The following PLCXD3 variants were observed in gnomAD, a reference collection of about 807,000 sequenced individuals.
PLCXD3 encodes phosphatidylinositol specific phospholipase C X domain containing 3.
In PLCXD3, 19 loss-of-function variants were observed where a neutral mutation model predicts 25.5. That is an observed-to-expected ratio of 0.75 (90% confidence interval 0.52 to 1.09). PLCXD3 has a LOEUF of 1.09. Ranked by LOEUF, PLCXD3 falls within the 50% of genes least tolerant of loss-of-function variation. The pLI, the probability that PLCXD3 is intolerant of heterozygous loss-of-function variation, is 0.00. For missense variants in PLCXD3, 411 were observed against 388.1 expected, an observed-to-expected ratio of 1.06 and a Z score of -0.50; for synonymous variants, 174 against 137.6, an observed-to-expected ratio of 1.26 and a Z score of -1.85.
At chr5:41,331,584 A>C (rs1257886833) in intron 2 of PLCXD3, among the ~76,000 whole-genome samples, 2 of 152,208 alleles carry the variant, frequency 1.3e-5, no homozygotes, top group Non-Finnish European at 2.9e-5. Flanking sequence ...CAGAATTGGG[A>C]AAAACTACTT....
rs753308736 is a variant in PLCXD3 at position 41,510,568 on chromosome 5, G to T, written c.-42C>A. 8 of 1,526,602 alleles carry T rather than the reference G, an allele frequency of 5.2e-6. No homozygotes were observed. The East Asian group carries it at 1.8e-4, about 35-fold the overall frequency. The allele number at this position is 1,526,602 out of a possible 1,614,324, so 94.6% of individuals were successfully genotyped here. A position where few individuals can be genotyped will look rare whatever the true frequency, so the allele number is the denominator to read the frequency against. ...CAGCGCGCTGGTCCCAGCACTCCTC[G>T]GGCAGGCTGGCAGGCTGCTGCCGCT... On this transcript the variant is annotated 5_prime_UTR_variant, in exon 1 of 3. Coordinates refer to ENST00000377801, the MANE Select transcript of PLCXD3 (RefSeq NM_001005473.3).
At chr5:41,332,113 A>C (rs1024876120) in intron 2 of PLCXD3, among the ~76,000 whole-genome samples, 3 of 152,162 alleles carry the variant, frequency 2.0e-5, no homozygotes. Flanking sequence ...TCAACTAAAG[A>C]GCTTCTGCAC....
rs551465150 is a variant in PLCXD3 at position 41,509,082 on chromosome 5, T to G, written c.103+1342A>C. Among the ~76,000 whole-genome samples the G allele has an allele frequency of 2.0e-5, 3 of 152,314 alleles. No homozygotes were observed. The East Asian group carries it at 5.8e-4, about 29-fold the overall frequency. ...AAACATCCACTTGACTAACAACCAT[T>G]GATTTGAGGGACTGATCAATGGCAG... On this transcript the variant is annotated intron_variant, in intron 1 of 2. Coordinates refer to ENST00000377801, the MANE Select transcript of PLCXD3 (RefSeq NM_001005473.3).
At chr5:41,480,933 AC>A (rs1164715493) in intron 1 of PLCXD3, among the ~76,000 whole-genome samples, 2 of 151,958 alleles carry the variant, frequency 1.3e-5, no homozygotes, top group African/African-American at 2.4e-5. Flanking sequence ...AAACAAACAA[AC>A]AAAGTTATAG....
chr5:41,348,932 A>G (rs901102352), intron 2 of PLCXD3, among the ~76,000 whole-genome samples: 6 of 152,210 alleles, frequency 3.9e-5, no homozygotes, highest in Non-Finnish European at 8.8e-5. Flanking sequence ...TAGGGTCTAA[A>G]AAGGTCAAAT....
chr5:41,357,716 A>G (rs1431983857), intron 2 of PLCXD3, among the ~76,000 whole-genome samples: 1 of 152,248 alleles, frequency 6.6e-6, no homozygotes, highest in Non-Finnish European at 1.5e-5. Context: ...AATCGCTACA[A>G]TAGATGTAAG....
At chr5:41,358,826 C>T (rs544102634) in intron 2 of PLCXD3, among the ~76,000 whole-genome samples, 1 of 152,234 alleles carries the variant, frequency 6.6e-6, no homozygotes, top group African/African-American at 2.4e-5. Flanking sequence ...CAACTTTTCC[C>T]TGTTTAATCT....
rs551009847 is a variant in PLCXD3 at position 41,434,171 on chromosome 5, TC to T, written c.104-51638del. On this transcript the variant is annotated intron_variant, in intron 1 of 2. Coordinates refer to ENST00000377801, the MANE Select transcript of PLCXD3 (RefSeq NM_001005473.3). ...TGGCTTTTCTATATATCTTTGTTTA[TC>T]CTAGTTTGCCCTGTTGGCTGCTACG... 3.0e-3 allele frequency among the ~76,000 whole-genome samples: 456 copies of T among 152,300 alleles called. 5 individuals are homozygous for T. The highest frequency in any genetic ancestry group is 0.01 in the African/African-American group (435 of 41,538).
intron 1 of PLCXD3, among the ~76,000 whole-genome samples, chr5:41,391,339 A>G (rs1238450956): frequency 1.3e-5 from 2 of 152,128 alleles, no homozygotes. Flanking sequence ...AAGAGTTGAG[A>G]GGAGTTTGTC....
At chr5:41,456,107 A>G (rs1472461448) in intron 1 of PLCXD3, among the ~76,000 whole-genome samples, 1 of 151,974 alleles carries the variant, frequency 6.6e-6, no homozygotes, top group Non-Finnish European at 1.5e-5. Flanking sequence ...ACTGGTAATG[A>G]GGAGGGAGAG....
Position 41,494,258 on chromosome 5 carries a change from A to T in PLCXD3, c.103+16166T>A, listed in dbSNP as rs562657767. ...CTGCAGGTGTGGAGGGTTTTATATA[A>T]GCAAATTATGTACCTAACTTACACT... On this transcript the variant is annotated intron_variant, in intron 1 of 2. Coordinates refer to ENST00000377801, the MANE Select transcript of PLCXD3 (RefSeq NM_001005473.3). Among the ~76,000 whole-genome samples the T allele has an allele frequency of 6.6e-5, 10 of 152,214 alleles. No homozygotes were observed. The East Asian group carries it at 1.9e-3, about 29-fold the overall frequency.
In PLCXD3 at chr5:41,372,298, TCACACACACA is replaced by T. The variant is rs71608605; in HGVS notation, c.812+9518_812+9527del. 3.3e-3 allele frequency among the ~76,000 whole-genome samples: 369 copies of T among 110,758 alleles called. 1 individual carries two copies. Among genetic ancestry groups the T allele is most frequent in the African/African-American group, 0.014 (329 of 24,314 alleles). 72.7% of individuals were successfully genotyped at this position (110,758 alleles called of 152,430 possible). A position where few individuals can be genotyped will look rare whatever the true frequency, so the allele number is the denominator to read the frequency against. ...TTCATTCTCTCTCTCTCTCTCTCTC[TCACACACACA>T]CACACACACACACACACACACACAC... On this transcript the variant is annotated intron_variant, in intron 2 of 2. Transcript: ENST00000377801.
At chr5:41,397,046 A>G (rs1746028615) in intron 1 of PLCXD3, among the ~76,000 whole-genome samples, 1 of 152,244 alleles carries the variant, frequency 6.6e-6, no homozygotes, top group Non-Finnish European at 1.5e-5. Context: ...TTGCAGCCCT[A>G]CCATGCAGTA....
intron 1 of PLCXD3, among the ~76,000 whole-genome samples, chr5:41,500,207 C>T (rs946424766): frequency 6.6e-6 from 1 of 151,820 alleles, no homozygotes; most frequent in South Asian, 2.1e-4. Flanking sequence ...GAAAATGTGG[C>T]ATGTATACAC....
At chr5:41,488,068 TC>T (rs1748560913) in intron 1 of PLCXD3, among the ~76,000 whole-genome samples, 2 of 60,128 alleles carry the variant, frequency 3.3e-5, no homozygotes, top group South Asian at 6.8e-4. Context: ...CCCTCCCCCC[TC>T]CCCCCTCCCC....
At position 41,382,146 on chromosome 5, in the gene PLCXD3, G is replaced by T; in HGVS notation, c.492C>A (p.Asp164Glu). 8 of 1,613,726 alleles carry T rather than the reference G, an allele frequency of 5.0e-6. No individual in the cohort carries two copies. The highest frequency in any genetic ancestry group is 5.9e-6 in the Non-Finnish European group (7 of 1,179,780). The change falls in exon 2 of 3, where the codon GAC (aspartate) becomes GAA (glutamate). Residue 164 changes from aspartate to glutamate, a missense_variant. Asp to Glu is a conservative substitution (Grantham distance 45). Coordinates refer to ENST00000377801, the MANE Select transcript of PLCXD3 (RefSeq NM_001005473.3). ...CTGGGCACATTTTATTTCCATAGAT[G>T]TCTTTCAGCATTTGGACCAGTTTTT... ...HHEKLVQMLKDIYGNKMCPAI... is the reference protein window; with the variant it reads ...HHEKLVQMLKEIYGNKMCPAI...
At chr5:41,387,724 T>A (rs1159723971) in intron 1 of PLCXD3, among the ~76,000 whole-genome samples, 2 of 152,140 alleles carry the variant, frequency 1.3e-5, no homozygotes, top group Non-Finnish European at 2.9e-5. Flanking sequence ...TTCTTATTTT[T>A]AAACTAATGA....
intron 1 of PLCXD3, among the ~76,000 whole-genome samples, chr5:41,399,374 CT>C (rs1220889651): frequency 1.3e-5 from 2 of 152,064 alleles, no homozygotes; most frequent in African/African-American, 4.8e-5. Flanking sequence ...CACAAAAGAC[CT>C]AGAATAGCCA....
At chr5:41,452,100 T>C (rs912688415) in intron 1 of PLCXD3, among the ~76,000 whole-genome samples, 2 of 152,056 alleles carry the variant, frequency 1.3e-5, no homozygotes, top group South Asian at 4.1e-4. Context: ...GAAAGCAGAC[T>C]GAACAGCCCT....
Sources: gnomAD v4.1 joint callset for allele counts (sites outside exome capture counted in the v4.1 genomes callset) on GRCh38, gnomAD v4.1.1 for gene constraint, MANE v1.5 for transcripts, NCBI Gene and HGNC (gene_info 2026-07-23, HGNC 2026-07-21) for gene names.